PRLR: variants seen among roughly 807,000 people sequenced by gnomAD.
The protein encoded by PRLR is prolactin receptor, also known as hPRL receptor.
In PRLR, 13 loss-of-function variants were observed where a neutral mutation model predicts 40.2. That is an observed-to-expected ratio of 0.32 (90% CI 0.21 to 0.51). The LOEUF (loss-of-function observed/expected upper bound fraction) is 0.51, where lower values mean the gene tolerates loss of function less well. Among genes scored for constraint, PRLR ranks in the 20% least tolerant of loss-of-function variants. The pLI is 0.97. For synonymous variants in PRLR, 269 were observed against 278.7 expected (o/e 0.97, Z 0.35); for missense variants, 656 against 747.3 (o/e 0.88, Z 1.42).
chr5:35,175,691 G>A (rs1163192730), intron 1 of PRLR, among the ~76,000 whole-genome samples: 1 of 152,166 alleles, frequency 6.6e-6, no homozygotes, highest in African/African-American at 2.4e-5. Flanking sequence ...CTTGCTCTAT[G>A]CATTTTTTCC....
intron 2 of PRLR, among the ~76,000 whole-genome samples, chr5:35,107,053 G>A (rs1772307759): frequency 6.6e-6 from 1 of 152,118 alleles, no homozygotes; most frequent in Admixed American, 6.6e-5. Context: ...AATCAAATTA[G>A]AACCCAGGAT....
chr5:35,065,148 GC>G lies in PRLR; in HGVS notation c.1809del (p.Arg603SerfsTer30). On this transcript the variant is annotated frameshift_variant, in exon 10 of 10. Coordinates refer to ENST00000618457, the MANE Select transcript of PRLR (RefSeq NM_000949.7). LOFTEE classifies it high-confidence loss of function. Reference protein sequence around the residue: ...ANFTATSSKCRLQLGGLDYLD... With the variant: ...ANFTATSSKCXLQLGGLDYLD... ...AGGTAATCCAAACCACCCAGCTGGA[GC>G]CTGCACTTGCTTGATGTTGCAGTGA... 1 of 1,614,192 alleles carries G rather than the reference GC, an allele frequency of 6.2e-7. No individual in the cohort carries two copies. The highest frequency in any genetic ancestry group is 8.5e-7 in the Non-Finnish European group (1 of 1,180,022).
intron 1 of PRLR, among the ~76,000 whole-genome samples, chr5:35,198,474 T>A (rs780543823): frequency 6.6e-6 from 1 of 152,216 alleles, no homozygotes; most frequent in Non-Finnish European, 1.5e-5. Flanking sequence ...CTCTGTTTAT[T>A]TCATTGACTG....
intron 1 of PRLR, among the ~76,000 whole-genome samples, chr5:35,121,861 T>C (rs1436758193): frequency 6.6e-6 from 1 of 152,208 alleles, no homozygotes; most frequent in Non-Finnish European, 1.5e-5. Context: ...CATTCATTTA[T>C]TCTTTCATTC....
chr5:35,128,062 C>G lies in PRLR; in HGVS notation c.-105-9940G>C, dbSNP rs139583865. On this transcript the variant is annotated intron_variant, in intron 1 of 9. Transcript: ENST00000618457. ...TGAGGTTAGGTCCAGATAAACTATA[C>G]GCTGAAAATATCATAAGTTGAAAAC... Among the ~76,000 whole-genome samples, 138 of 152,080 alleles carry G rather than the reference C, an allele frequency of 9.1e-4. 1 individual carries two copies. Among genetic ancestry groups the G allele is most frequent in the Non-Finnish European group, 1.4e-3 (92 of 68,002 alleles).
chr5:35,229,685 C>G (rs756768851), intron 1 of PRLR, among the ~76,000 whole-genome samples: 2 of 152,094 alleles, frequency 1.3e-5, no homozygotes, highest in Non-Finnish European at 2.9e-5. Flanking sequence ...GCCCCTACCC[C>G]CGCTGACTTT....
chr5:35,183,381 T>G (rs1775342684), intron 1 of PRLR, among the ~76,000 whole-genome samples: 1 of 152,220 alleles, frequency 6.6e-6, no homozygotes, highest in Non-Finnish European at 1.5e-5. Context: ...TGTTTCCTTG[T>G]CGCCCCCCAA....
downstream of PRLR, among the ~76,000 whole-genome samples, chr5:35,053,210 A>G (rs2112326289): frequency 6.6e-6 from 1 of 152,312 alleles, no homozygotes; most frequent in East Asian, 1.9e-4. Flanking sequence ...CAAGAAAGAG[A>G]CATAAGAGGT....
chr5:35,218,971 A>T (rs1247492725), intron 1 of PRLR, among the ~76,000 whole-genome samples: 1 of 152,172 alleles, frequency 6.6e-6, no homozygotes, highest in Non-Finnish European at 1.5e-5. Flanking sequence ...AGGGCATTTC[A>T]TCAAGACTCC....
chr5:35,177,508 T>A (rs1775182710), intron 1 of PRLR, among the ~76,000 whole-genome samples: 2 of 152,218 alleles, frequency 1.3e-5, no homozygotes, highest in South Asian at 4.1e-4. Flanking sequence ...CATCTACTTT[T>A]TGTCTGTATG....
intron 2 of PRLR, among the ~76,000 whole-genome samples, chr5:35,110,119 A>C (rs537197761): frequency 6.6e-6 from 1 of 152,220 alleles, no homozygotes; most frequent in East Asian, 1.9e-4. Context: ...TCACAAGGAC[A>C]GAAAACCAAA....
chr5:35,151,179 T>C (rs1018078046), intron 1 of PRLR, among the ~76,000 whole-genome samples: 2 of 152,196 alleles, frequency 1.3e-5, no homozygotes, highest in African/African-American at 2.4e-5. Context: ...AGCCATCAAA[T>C]GTAAGCAGGA....
At chr5:35,053,099 T>C (rs979729284), downstream of PRLR, among the ~76,000 whole-genome samples, 3 of 152,178 alleles carry the variant, frequency 2.0e-5, no homozygotes, top group East Asian at 1.9e-4. Context: ...TTATATGTAA[T>C]AGTGAACTTT....
chr5:35,093,989 T>C (rs941670968), intron 2 of PRLR, among the ~76,000 whole-genome samples: 1 of 152,228 alleles, frequency 6.6e-6, no homozygotes, highest in Non-Finnish European at 1.5e-5. Context: ...AAGTATACTC[T>C]ATGATGTTGG....
chr5:35,171,504 G>T (rs899088852), intron 1 of PRLR, among the ~76,000 whole-genome samples: 1 of 152,172 alleles, frequency 6.6e-6, no homozygotes, highest in East Asian at 1.9e-4. Context: ...TAGCAACTGG[G>T]CTGTTTTGGG....
At chr5:35,084,806 GGAGT>G (rs1770741677) in intron 4 of PRLR, among the ~76,000 whole-genome samples, 167 bp from the exon 5 acceptor site, 3 of 152,198 alleles carry the variant, frequency 2.0e-5, no homozygotes, top group Admixed American at 1.3e-4. Flanking sequence ...ATTTCAGCTG[GGAGT>G]GAGAGAGGGA....
At chr5:35,116,992 C>A (rs1009038677) in intron 2 of PRLR, among the ~76,000 whole-genome samples, 2 of 152,058 alleles carry the variant, frequency 1.3e-5, no homozygotes, top group African/African-American at 4.8e-5. Flanking sequence ...GGAGTTTTGT[C>A]CTCCTTGGAA....
intron 1 of PRLR, among the ~76,000 whole-genome samples, chr5:35,209,599 A>G (rs954663797): frequency 6.6e-6 from 1 of 152,212 alleles, no homozygotes; most frequent in African/African-American, 2.4e-5. Flanking sequence ...TGTCTATGGA[A>G]TTCCTAAACA....
intron 2 of PRLR, among the ~76,000 whole-genome samples, chr5:35,097,315 G>A (rs935681017): frequency 2.0e-5 from 3 of 152,158 alleles, no homozygotes; most frequent in African/African-American, 7.2e-5. Flanking sequence ...TGCATGCCAG[G>A]CACTGTTTTG....
Sources: allele counts gnomAD v4.1 joint callset (sites outside exome capture counted in the v4.1 genomes callset), GRCh38; gene constraint gnomAD v4.1.1; transcripts MANE v1.5; gene names NCBI Gene and HGNC (gene_info 2026-07-23, HGNC 2026-07-21).